The following NEBL variants were observed in gnomAD, a reference collection of about 807,000 sequenced individuals.
NEBL encodes the protein LIM and SH3 protein 2.
A neutral mutation model predicts 140.2 loss-of-function variants in NEBL; 122 were observed. That is an observed-to-expected ratio of 0.87 (90% CI 0.75 to 1.01). The LOEUF (loss-of-function observed/expected upper bound fraction) is 1.01. NEBL is among the 50% of genes least tolerant of loss of function. The probability of loss-of-function intolerance (pLI) is 0.00; values close to 1 mark genes in which losing one functional copy is unlikely to be tolerated. For synonymous variants in NEBL, 436 were observed against 398.9 expected, an observed-to-expected ratio of 1.09 and a Z score of -1.11; for missense variants, 1,365 against 1,231.3, an observed-to-expected ratio of 1.11 and a Z score of -1.62.
At chr10:20,997,733 G>A (rs1489206274) in intron 3 of NEBL, among the ~76,000 whole-genome samples, 1 of 152,050 alleles carries the variant, frequency 6.6e-6, no homozygotes, top group Non-Finnish European at 1.5e-5. Flanking sequence ...CAGTGGTAAT[G>A]TTCTGATCAG....
At chr10:21,130,254 C>CA (rs1413558905) in intron 2 of NEBL, among the ~76,000 whole-genome samples, 1 of 151,812 alleles carries the variant, frequency 6.6e-6, no homozygotes. Flanking sequence ...TTACACAAAG[C>CA]AAAAACTGAT....
intron 3 of NEBL, among the ~76,000 whole-genome samples, chr10:21,231,495 C>A (rs540744710): frequency 6.6e-6 from 1 of 151,774 alleles, no homozygotes; most frequent in Non-Finnish European, 1.5e-5. Context: ...GCCGAGATGG[C>A]GCCACTGCAC....
At chr10:20,907,281 G>A (rs1223388303) in intron 4 of NEBL, among the ~76,000 whole-genome samples, 1 of 151,930 alleles carries the variant, frequency 6.6e-6, no homozygotes, top group South Asian at 2.1e-4. Flanking sequence ...TTTATTAAGG[G>A]TTTAAATTTT....
intron 7 of NEBL, among the ~76,000 whole-genome samples, chr10:20,863,134 C>T (rs1269676292): frequency 1.3e-5 from 2 of 152,108 alleles, no homozygotes; most frequent in South Asian, 2.1e-4. Flanking sequence ...GGCATTGTAG[C>T]TCCCCATAAC....
rs5783764 is a variant in NEBL at position 21,057,542 on chromosome 10, CTTTTTT to C, written c.165-37347_165-37342del. 5.2e-3 allele frequency among the ~76,000 whole-genome samples: 373 copies of C among 71,772 alleles called. 3 individuals are homozygous for C. Among genetic ancestry groups the C allele is most frequent in the African/African-American group, 0.016 (271 of 17,088 alleles). 47.1% of individuals were successfully genotyped at this position (71,772 alleles called of 152,430 possible). On this transcript the variant is annotated intron_variant, in intron 2 of 6. Transcript: ENST00000417816. ...TGATACCTAATAGCCAATGAAATTC[CTTTTTT>C]TTTTTTTTTTTTTTTTTTTGAGACG...
chr10:20,802,461 T>C (rs1235461222), intron 26 of NEBL, among the ~76,000 whole-genome samples: 1 of 152,126 alleles, frequency 6.6e-6, no homozygotes, highest in Non-Finnish European at 1.5e-5. Flanking sequence ...AGTAACACAG[T>C]AGAGATGTAA....
At chr10:21,013,283 G>C in intron 3 of NEBL, among the ~76,000 whole-genome samples, 1 of 152,150 alleles carries the variant, frequency 6.6e-6, no homozygotes, top group East Asian at 1.9e-4. Flanking sequence ...TATCATTTAC[G>C]TTGCCTCAAA....
At chr10:20,853,969 T>C (rs932975490) in intron 9 of NEBL, among the ~76,000 whole-genome samples, 2 of 152,210 alleles carry the variant, frequency 1.3e-5, no homozygotes, top group Non-Finnish European at 2.9e-5. Flanking sequence ...CAATACACAC[T>C]GTATGCCTGT....
At chr10:21,017,412 CTT>C (rs1838597940) in intron 3 of NEBL, among the ~76,000 whole-genome samples, 1 of 152,070 alleles carries the variant, frequency 6.6e-6, no homozygotes, top group South Asian at 2.1e-4. Flanking sequence ...TGAGCAAAAT[CTT>C]TATAAAGATC....
intron 2 of NEBL, among the ~76,000 whole-genome samples, chr10:20,890,680 A>G (rs1846955694): frequency 6.6e-6 from 1 of 152,248 alleles, no homozygotes. Flanking sequence ...TCTTCTCTGC[A>G]ACTCACAAGT....
exon 1 of NEBL, among the ~76,000 whole-genome samples, chr10:21,292,947 C>A (rs1208530956): frequency 6.6e-6 from 1 of 152,150 alleles, no homozygotes; most frequent in Non-Finnish European, 1.5e-5. Context: ...AGATTTGGGT[C>A]ATCATTTTTT....
chr10:20,907,007 T>A (rs1445533285), intron 4 of NEBL, among the ~76,000 whole-genome samples: 1 of 152,148 alleles, frequency 6.6e-6, no homozygotes, highest in Non-Finnish European at 1.5e-5. Flanking sequence ...ACAACTCAAT[T>A]CCAACTAGCC....
At chr10:21,106,326 C>G (rs561070547) in intron 2 of NEBL, among the ~76,000 whole-genome samples, 1 of 152,096 alleles carries the variant, frequency 6.6e-6, no homozygotes, top group Non-Finnish European at 1.5e-5. Context: ...TCAGGTCTAA[C>G]ATTAAGTCTT....
chr10:20,842,078 T>A (rs776696355), intron 12 of NEBL, among the ~76,000 whole-genome samples: 1 of 152,130 alleles, frequency 6.6e-6, no homozygotes, highest in Non-Finnish European at 1.5e-5. Flanking sequence ...AGATGAAAGA[T>A]GAAATTTCCT....
chr10:20,916,836 A>G (rs980961595), intron 4 of NEBL, among the ~76,000 whole-genome samples: 8 of 152,258 alleles, frequency 5.3e-5, no homozygotes, highest in Admixed American at 1.3e-4. Context: ...GTGACACATT[A>G]TGAATATTTG....
At chr10:20,978,731 G>C (rs967385971) in intron 3 of NEBL, among the ~76,000 whole-genome samples, 13 of 150,860 alleles carry the variant, frequency 8.6e-5, no homozygotes, top group African/African-American at 2.9e-4. Flanking sequence ...CTCCAGCCTG[G>C]AAGCCAGAGC....
chr10:21,055,434 G>A (rs532477888), intron 2 of NEBL, among the ~76,000 whole-genome samples: 1 of 152,216 alleles, frequency 6.6e-6, no homozygotes, highest in South Asian at 2.1e-4. Context: ...TTTAACTTTG[G>A]TGTCAATGCT....
intron 2 of NEBL, among the ~76,000 whole-genome samples, chr10:21,156,105 G>T (rs1840327637): frequency 6.6e-6 from 1 of 152,200 alleles, no homozygotes; most frequent in Non-Finnish European, 1.5e-5. Flanking sequence ...TGGTAAAATA[G>T]AAAGAATCAG....
At position 20,787,243 on chromosome 10, in the gene NEBL, T is replaced by C. The variant is rs769548383; in HGVS notation, c.2827A>G (p.Ser943Gly). 4.3e-6 allele frequency: 7 copies of C among 1,613,390 alleles called. No homozygotes were observed. The highest frequency in any genetic ancestry group is 1.3e-5 in the African/African-American group (1 of 74,884). Residue 943 changes from serine to glycine, a missense_variant, in exon 27 of 28, where the codon AGT (serine) becomes GGT (glycine). This residue lies in a region of NEBL where 1,323 missense variants were observed against 1,154.8 expected (regional missense o/e 1.15). Coordinates refer to ENST00000377122, the MANE Select transcript of NEBL (RefSeq NM_006393.3). ...SQGYGYMHQTSVSSMRSMQHS... is the reference protein window; with the variant it reads ...SQGYGYMHQTGVSSMRSMQHS... ...TGCATTGATCTCATGGATGACACAC[T>C]GGTCTGGTGCATGTAGCCATAGCCT...
Sources: allele counts gnomAD v4.1 joint callset (sites outside exome capture counted in the v4.1 genomes callset), GRCh38; gene constraint gnomAD v4.1.1; regional missense constraint gnomAD v4.1.1; transcripts MANE v1.5; gene names NCBI Gene and HGNC (gene_info 2026-07-23, HGNC 2026-07-21).